FAM117B: variants seen among roughly 807,000 people sequenced by gnomAD.
FAM117B encodes the protein protein FAM117B.
In FAM117B, 22 loss-of-function variants were observed where a neutral mutation model predicts 52.8. The observed-to-expected ratio is 0.42, with a 90% CI of 0.30 to 0.59. The LOEUF (loss-of-function observed/expected upper bound fraction) is 0.59. FAM117B is among the 20% of genes least tolerant of loss of function. FAM117B has a pLI of 0.22. For missense variants in FAM117B, 678 were observed against 802.6 expected (o/e 0.84, Z 1.88); for synonymous variants, 309 against 324.1 (o/e 0.95, Z 0.50).
intron 3 of FAM117B, 86 bp from the exon 4 acceptor site, chr2:202,726,164 A>G (rs1486091384): frequency 4.8e-6 from 4 of 837,066 alleles, no homozygotes; most frequent in Non-Finnish European, 5.8e-6. Flanking sequence ...ATTAAGGGTA[A>G]GTTTTACTGG....
chr2:202,636,650 A>G (rs572006462), intron 1 of FAM117B, among the ~76,000 whole-genome samples: 1 of 152,330 alleles, frequency 6.6e-6, no homozygotes, highest in South Asian at 2.1e-4. Context: ...AAAATTTATA[A>G]TCTTGTTGCC....
intron 7 of FAM117B, among the ~76,000 whole-genome samples, chr2:202,760,785 AG>A (rs1691874684): frequency 6.6e-6 from 1 of 152,200 alleles, no homozygotes; most frequent in Non-Finnish European, 1.5e-5. Context: ...TTTCTGTGGC[AG>A]GGAGTGGAAC....
At chr2:202,662,393 G>T (rs559587048) in intron 1 of FAM117B, among the ~76,000 whole-genome samples, 7 of 152,264 alleles carry the variant, frequency 4.6e-5, no homozygotes, top group Admixed American at 1.3e-4. Context: ...GGAGGTGATA[G>T]AGGAGGAGGG....
intron 7 of FAM117B, 124 bp downstream of exon 7, chr2:202,759,477 T>G: frequency 2.0e-5 from 25 of 1,256,666 alleles, no homozygotes; most frequent in Non-Finnish European, 2.6e-5. Flanking sequence ...CTGCAACCTC[T>G]ACCTCCTTAG....
In FAM117B at chr2:202,755,560, T is replaced by C. The variant is rs1691788574; in HGVS notation, c.983T>C (p.Leu328Pro). ...QCQAPVPKSA[L>P]IPVIPITKST... ...AAGGCTCCTGTTCCAAAGAGTGCAC[T>C]TATTCCTGTAATTCCCATCACCAAA... Residue 328 changes from leucine to proline, a missense_variant, in exon 5 of 8, where the codon CTT becomes CCT. Coordinates refer to ENST00000392238, the MANE Select transcript of FAM117B (RefSeq NM_173511.4). 1 of 1,614,002 alleles carries C rather than the reference T, an allele frequency of 6.2e-7. No individual in the cohort carries two copies. The highest frequency in any genetic ancestry group is 1.7e-5 in the Admixed American group (1 of 60,010).
chr2:202,761,828 T>C (rs556744858), intron 7 of FAM117B, among the ~76,000 whole-genome samples: 2 of 152,054 alleles, frequency 1.3e-5, no homozygotes, highest in African/African-American at 2.4e-5. Flanking sequence ...TGCCTAGTCA[T>C]GTTACATGTT....
chr2:202,733,482 A>G (rs1303518088), intron 4 of FAM117B, among the ~76,000 whole-genome samples: 1 of 152,194 alleles, frequency 6.6e-6, no homozygotes, highest in Non-Finnish European at 1.5e-5. Flanking sequence ...CGCATAAGAC[A>G]GACACTCCCA....
At chr2:202,656,755 A>T (rs570042931) in intron 1 of FAM117B, among the ~76,000 whole-genome samples, 1 of 152,128 alleles carries the variant, frequency 6.6e-6, no homozygotes, top group East Asian at 1.9e-4. Flanking sequence ...CTGATTTTCT[A>T]TTTGTTTTAT....
intron 1 of FAM117B, among the ~76,000 whole-genome samples, chr2:202,692,722 A>G (rs937616936): frequency 1.3e-5 from 2 of 152,218 alleles, no homozygotes; most frequent in Admixed American, 6.5e-5. Flanking sequence ...TCACCCAGAC[A>G]AGAGATGCAC....
intron 4 of FAM117B, among the ~76,000 whole-genome samples, chr2:202,731,523 C>T (rs554286439): frequency 1.8e-4 from 28 of 151,498 alleles, no homozygotes; most frequent in African/African-American, 5.8e-4. Flanking sequence ...CTCCGCCTCC[C>T]GGGTTCAAGC....
chr2:202,668,156 AATT>A (rs1381465868), intron 1 of FAM117B, among the ~76,000 whole-genome samples: 2 of 124,696 alleles, frequency 1.6e-5, no homozygotes, highest in Admixed American at 7.4e-5. Flanking sequence ...ATAAATATAT[AATT>A]ATATAATACA....
In FAM117B at chr2:202,755,559, C is replaced by T; in HGVS notation, c.982C>T (p.Leu328Phe). 6.2e-7 allele frequency: 1 copy of T among 1,614,084 alleles called. No individual in the cohort carries two copies. The highest frequency in any genetic ancestry group is 8.5e-7 in the Non-Finnish European group (1 of 1,179,978). The change falls in exon 5 of 8, where the codon CTT (leucine) becomes TTT (phenylalanine). Residue 328 changes from leucine to phenylalanine, a missense_variant. Transcript: ENST00000392238. ...QCQAPVPKSA[L>F]IPVIPITKST... ...TAAGGCTCCTGTTCCAAAGAGTGCA[C>T]TTATTCCTGTAATTCCCATCACCAA...
intron 1 of FAM117B, among the ~76,000 whole-genome samples, chr2:202,657,675 TG>T (rs1477251512): frequency 6.6e-6 from 1 of 151,726 alleles, no homozygotes; most frequent in African/African-American, 2.4e-5. Context: ...TTTTTAGAGA[TG>T]GGTTTCACTG....
At chr2:202,718,673 T>G (rs35581848) in intron 2 of FAM117B, among the ~76,000 whole-genome samples, 28,115 of 152,176 alleles carry the variant, frequency 0.18, 3,281 homozygotes, top group South Asian at 0.38. Flanking sequence ...TTAACCTCAT[T>G]AAAAATAATT....
At chr2:202,709,857 G>A in intron 2 of FAM117B, among the ~76,000 whole-genome samples, 1 of 152,056 alleles carries the variant, frequency 6.6e-6, no homozygotes, top group East Asian at 1.9e-4. Context: ...TTTTGCATGA[G>A]GATATTCAGT....
At chr2:202,707,772 ATT>A (rs201311225) in intron 2 of FAM117B, among the ~76,000 whole-genome samples, 1 of 143,318 alleles carries the variant, frequency 7.0e-6, no homozygotes, top group African/African-American at 2.5e-5. Context: ...GTGTAACTTA[ATT>A]TTTTTTTTTT....
chr2:202,648,557 A>ATG (rs1689905772), intron 1 of FAM117B, among the ~76,000 whole-genome samples: 1 of 137,288 alleles, frequency 7.3e-6, no homozygotes, highest in Non-Finnish European at 1.5e-5. Flanking sequence ...ATATATATGT[A>ATG]TGTATGTGTG....
chr2:202,701,681 T>A (rs546658668), intron 2 of FAM117B, among the ~76,000 whole-genome samples: 1 of 152,312 alleles, frequency 6.6e-6, no homozygotes, highest in Admixed American at 6.5e-5. Context: ...CATGGATGAC[T>A]TTGAGGGTTT....
chr2:202,744,564 T>C (rs1177023591), intron 4 of FAM117B, among the ~76,000 whole-genome samples: 1 of 152,012 alleles, frequency 6.6e-6, no homozygotes, highest in Non-Finnish European at 1.5e-5. Flanking sequence ...TAATAGTAAG[T>C]TTTTCAGCCA....
Sources: allele counts gnomAD v4.1 joint callset (sites outside exome capture counted in the v4.1 genomes callset), GRCh38; gene constraint gnomAD v4.1.1; transcripts MANE v1.5; gene names NCBI Gene and HGNC (gene_info 2026-07-23, HGNC 2026-07-21).